Variants in CTBP2 observed in about 807,000 individuals in gnomAD.
CTBP2 encodes C-terminal binding protein 2, also known as C-terminal-binding protein 2.
CTBP2 carries 30 observed loss-of-function variants against 80.3 expected under a neutral mutation model. That is an observed-to-expected ratio of 0.37 (90% CI 0.28 to 0.51). The LOEUF (loss-of-function observed/expected upper bound fraction) is 0.51, where lower values mean the gene tolerates loss of function less well. Ranked by LOEUF, CTBP2 falls within the 20% of genes least tolerant of loss-of-function variation. The pLI, the probability that CTBP2 is intolerant of heterozygous loss-of-function variation, is 0.93. For synonymous variants in CTBP2, 594 were observed against 587.4 expected (o/e 1.01, Z -0.16); for missense variants, 1,212 against 1,375.3 (o/e 0.88, Z 1.88).
intron 1 of CTBP2, among the ~76,000 whole-genome samples, chr10:125,112,826 C>G (rs1057131006): frequency 6.6e-5 from 10 of 152,348 alleles, no homozygotes; most frequent in African/African-American, 2.4e-4. Flanking sequence ...TGGGGCTAAT[C>G]TCCTAGGATC....
rs755005239 is a variant in CTBP2, at chr10:125,026,988, C to G, written c.772G>C (p.Gly258Arg). ...GATGGGATGCTTTCCCGGGCAGGCC[C>G]GTAGCCACGATTCAGGGCCCCTGGG... The change falls in exon 1 of 9, where the codon GGG (glycine) becomes CGG (arginine). Residue 258 changes from glycine (G) to arginine (R), a missense_variant. By Grantham distance (125) the Gly-to-Arg change is moderately radical. This residue lies in a region of CTBP2 where 848 missense variants were observed against 782.3 expected (regional missense o/e 1.08). Transcript: ENST00000309035. 6.2e-7 allele frequency: 1 copy of G among 1,613,954 alleles called. No individual in the cohort carries two copies. The highest frequency in any genetic ancestry group is 1.1e-5 in the South Asian group (1 of 91,086).
At position 124,997,682 on chromosome 10, in the gene CTBP2, G is replaced by A. The variant is rs998809815; in HGVS notation, c.2185+282C>T. 3 of 504,436 alleles carry A rather than the reference G, an allele frequency of 5.9e-6. No individual in the cohort carries two copies. In the Admixed American group the frequency reaches 1.1e-4, roughly 18 times the overall value. The allele number at this position is 504,436 out of a possible 1,614,324, so 31.2% of individuals were successfully genotyped here. A position where few individuals can be genotyped will look rare whatever the true frequency, so the allele number is the denominator to read the frequency against. On this transcript the variant is annotated intron_variant, in intron 4 of 8. Coordinates refer to ENST00000309035, the MANE Select transcript of CTBP2 (RefSeq NM_022802.3). ...TGCCCAGGGAAATTTACTGGGCACAGCGCCTTGCCCGCTGCCCCACAGCAA... is the reference window on the plus strand; with the variant it reads ...TGCCCAGGGAAATTTACTGGGCACAACGCCTTGCCCGCTGCCCCACAGCAA...
intron 1 of CTBP2, among the ~76,000 whole-genome samples, chr10:125,153,796 G>A (rs7082937): frequency 0.04 from 6,053 of 152,320 alleles, 407 homozygotes; most frequent in African/African-American, 0.14. Flanking sequence ...GTTCCTTCCA[G>A]AGAAACTTCC....
chr10:125,071,255 A>C (rs993598727), intron 2 of CTBP2, among the ~76,000 whole-genome samples: 10 of 152,260 alleles, frequency 6.6e-5, no homozygotes, highest in African/African-American at 2.2e-4. Flanking sequence ...GGAAGGCCCA[A>C]GAACATGAGA....
chr10:125,126,924 T>TTC (rs67378138), intron 1 of CTBP2, among the ~76,000 whole-genome samples: 8,264 of 138,586 alleles, frequency 0.06, 673 homozygotes, highest in African/African-American at 0.19. Flanking sequence ...CACACACACA[T>TTC]TCTCTCTCTC....
At chr10:125,020,926 T>A (rs763026163) in intron 1 of CTBP2, among the ~76,000 whole-genome samples, 1 of 152,222 alleles carries the variant, frequency 6.6e-6, no homozygotes, top group Non-Finnish European at 1.5e-5. Context: ...CCCACTAAGC[T>A]TTAACAAGAC....
chr10:125,098,563 A>AC (rs1174647689), intron 2 of CTBP2, among the ~76,000 whole-genome samples: 1 of 150,778 alleles, frequency 6.6e-6, no homozygotes, highest in Non-Finnish European at 1.5e-5. Flanking sequence ...TGGCCAGAAG[A>AC]CCCCCCTATT....
At chr10:125,049,046 G>GACAGACACACACACACACACACACACAC (rs1962004928) in intron 2 of CTBP2, among the ~76,000 whole-genome samples, 1 of 89,660 alleles carries the variant, frequency 1.1e-5, no homozygotes, top group African/African-American at 4.1e-5. Context: ...CCTGACCACA[G>GACAGACACACACACACACACACACACAC]ACACACACAC....
At chr10:125,107,077 C>T (rs143207194) in intron 2 of CTBP2, among the ~76,000 whole-genome samples, 145 of 152,244 alleles carry the variant, frequency 9.5e-4, no homozygotes, top group African/African-American at 3.2e-3. Flanking sequence ...GCTGGGATTC[C>T]GAAGCATAAC....
chr10:125,081,617 C>A (rs1172903046), intron 2 of CTBP2, among the ~76,000 whole-genome samples: 1 of 151,784 alleles, frequency 6.6e-6, no homozygotes, highest in Non-Finnish European at 1.5e-5. Flanking sequence ...TTCTTTGTTC[C>A]ATTCTTACAA....
chr10:125,027,416 G>A lies in CTBP2; in HGVS notation c.344C>T (p.Ser115Phe). 1 of 1,614,060 alleles carries A rather than the reference G, an allele frequency of 6.2e-7. No homozygotes were observed. Among genetic ancestry groups the A allele is most frequent in the African/African-American group, 1.3e-5 (1 of 75,058 alleles). Residue 115 changes from serine to phenylalanine, a missense_variant, in exon 1 of 9, where the codon TCT becomes TTT. Physicochemically the swap from Ser to Phe is radical, Grantham distance 155. Coordinates refer to ENST00000309035, the MANE Select transcript of CTBP2 (RefSeq NM_022802.3). ...CTCTTTGGGTACCCTAGCAGCTCCA[G>A]ACGGATCACTGTAGTACTCCCGTGG... is the stretch of plus-strand genomic sequence containing the variant.
chr10:125,124,477 C>T, intron 1 of CTBP2, among the ~76,000 whole-genome samples: 1 of 152,218 alleles, frequency 6.6e-6, no homozygotes, highest in South Asian at 2.1e-4. Flanking sequence ...GTACCTCCAT[C>T]TCCCAAAATG....
At chr10:125,124,083 C>T (rs1374700394) in intron 1 of CTBP2, among the ~76,000 whole-genome samples, 3 of 152,196 alleles carry the variant, frequency 2.0e-5, no homozygotes, top group East Asian at 1.9e-4. Context: ...CTGGGCTGGC[C>T]GGCTTCCAAC....
chr10:125,135,782 C>T (rs920190054), intron 1 of CTBP2, among the ~76,000 whole-genome samples: 2 of 152,176 alleles, frequency 1.3e-5, no homozygotes, highest in African/African-American at 2.4e-5. Context: ...CGGTGTGTGG[C>T]CCTGGGTGCC....
Position 124,993,408 on chromosome 10 carries a change from T to C in CTBP2, c.2532-79A>G. 2.0e-6 allele frequency: 3 copies of C among 1,489,760 alleles called. No homozygotes were observed. In the South Asian group the frequency reaches 4.0e-5, roughly 20 times the overall value. 92.3% of individuals were successfully genotyped at this position (1,489,760 alleles called of 1,614,324 possible). A position where few individuals can be genotyped will look rare whatever the true frequency, so the allele number is the denominator to read the frequency against. ...GCCCTCCTCAGCACAAGGGAGCTCT[T>C]GGCCATGTAGAAAAGTAGCTACATA... On this transcript the variant is annotated intron_variant, in intron 6 of 8. Transcript: ENST00000309035.
chr10:125,062,896 G>A (rs2135367934), intron 2 of CTBP2, among the ~76,000 whole-genome samples: 1 of 152,294 alleles, frequency 6.6e-6, no homozygotes, highest in Middle Eastern at 3.4e-3. Flanking sequence ...ACCACTGAGG[G>A]CACCCAAGGA....
chr10:125,128,731 A>G (rs1855669109), intron 1 of CTBP2, among the ~76,000 whole-genome samples: 5 of 152,246 alleles, frequency 3.3e-5, no homozygotes, highest in Admixed American at 3.3e-4. Context: ...GAAGCATAAA[A>G]TGTTATAACC....
At chr10:125,151,915 AGCGG>A (rs1859987790) in intron 1 of CTBP2, among the ~76,000 whole-genome samples, 1 of 152,070 alleles carries the variant, frequency 6.6e-6, no homozygotes, top group South Asian at 2.1e-4. Context: ...GTGGGCACGG[AGCGG>A]GGGGAGGGGG....
At chr10:125,052,671 A>C (rs1278533395) in intron 2 of CTBP2, among the ~76,000 whole-genome samples, 1 of 152,178 alleles carries the variant, frequency 6.6e-6, no homozygotes, top group East Asian at 1.9e-4. Context: ...ACGGATGGTG[A>C]TTGTGCCTTT....
Sources: allele counts gnomAD v4.1 joint callset (sites outside exome capture counted in the v4.1 genomes callset), GRCh38; gene constraint gnomAD v4.1.1; regional missense constraint gnomAD v4.1.1; transcripts MANE v1.5; gene names NCBI Gene and HGNC (gene_info 2026-07-23, HGNC 2026-07-21).